Variants in LSAMP observed in about 807,000 individuals in gnomAD.
LSAMP encodes limbic system associated membrane protein, also known as limbic system-associated membrane protein.
Under a neutral mutation model 38.6 loss-of-function variants are expected in LSAMP, and 7 were observed. The observed-to-expected ratio is 0.18, with a 90% confidence interval of 0.10 to 0.34. The LOEUF is 0.34. Among genes scored for constraint, LSAMP ranks in the 10% least tolerant of loss-of-function variants. LSAMP has a pLI of 1.00. For synonymous variants in LSAMP, 154 were observed against 166.8 expected (o/e 0.92, Z 0.59); for missense variants, 313 against 420.0 (o/e 0.75, Z 2.23).
rs113873378 is a variant in LSAMP, at chr3:115,834,439, A to G, written c.919+7406T>C. 1.5e-4 allele frequency: 119 copies of G among 780,458 alleles called. No homozygotes were observed. The African/African-American group carries it at 1.9e-3, about 12-fold the overall frequency. The allele number at this position is 780,458 out of a possible 1,614,324, so 48.3% of individuals were successfully genotyped here. On this transcript the variant is annotated intron_variant, in intron 6 of 6. Coordinates refer to ENST00000490035, the MANE Select transcript of LSAMP (RefSeq NM_002338.5). Reference sequence around the variant, plus strand: ...GCTTTTTAAAAAAGGTTTAAGGGAAAAAAATGATTTATATTGTATGTGAAT... The same window carrying G: ...GCTTTTTAAAAAAGGTTTAAGGGAAGAAAATGATTTATATTGTATGTGAAT...
At chr3:116,041,045 T>C (rs1460288099) in intron 2 of LSAMP, among the ~76,000 whole-genome samples, 1 of 152,188 alleles carries the variant, frequency 6.6e-6, no homozygotes, top group Non-Finnish European at 1.5e-5. Flanking sequence ...CGCCTCAGCT[T>C]CCAGAGTAGC....
chr3:116,034,118 T>C (rs1424527871), intron 2 of LSAMP, among the ~76,000 whole-genome samples: 1 of 152,050 alleles, frequency 6.6e-6, no homozygotes, highest in East Asian at 1.9e-4. Context: ...AAGCAAGAAT[T>C]AGGACAAGAT....
chr3:116,235,766 T>G (rs888955604), intron 1 of LSAMP, among the ~76,000 whole-genome samples: 5 of 152,216 alleles, frequency 3.3e-5, no homozygotes, highest in Admixed American at 3.3e-4. Context: ...AAAATTAGCA[T>G]AGTTCTACAA....
chr3:116,099,178 A>G (rs1708290494), intron 1 of LSAMP, among the ~76,000 whole-genome samples: 1 of 152,222 alleles, frequency 6.6e-6, no homozygotes, highest in Non-Finnish European at 1.5e-5. Context: ...GATGAAGGTC[A>G]CACTCTGAAT....
At chr3:115,820,708 C>T (rs992758557) in intron 6 of LSAMP, among the ~76,000 whole-genome samples, 1 of 152,114 alleles carries the variant, frequency 6.6e-6, no homozygotes, top group Non-Finnish European at 1.5e-5. Flanking sequence ...AAGAATGGTC[C>T]AGTAGATATG....
chr3:116,242,873 A>G (rs939124686), intron 1 of LSAMP, among the ~76,000 whole-genome samples: 6 of 152,220 alleles, frequency 3.9e-5, no homozygotes, highest in African/African-American at 4.8e-5. Context: ...ATTTTCAAAT[A>G]TGGATTAAAA....
At chr3:116,263,537 C>CA (rs201229887) in intron 1 of LSAMP, among the ~76,000 whole-genome samples, 3,925 of 111,786 alleles carry the variant, frequency 0.035, 155 homozygotes, top group African/African-American at 0.12. Flanking sequence ...GACTTTGTCT[C>CA]AAAAAAAAAA....
intron 2 of LSAMP, among the ~76,000 whole-genome samples, chr3:116,063,324 T>C (rs1267048583): frequency 2.0e-5 from 3 of 152,190 alleles, no homozygotes; most frequent in Non-Finnish European, 4.4e-5. Flanking sequence ...CAGTTAAGCT[T>C]GTTGGTACAC....
chr3:115,916,349 T>A (rs1452646479), intron 3 of LSAMP, among the ~76,000 whole-genome samples: 1 of 152,194 alleles, frequency 6.6e-6, no homozygotes, highest in Non-Finnish European at 1.5e-5. Context: ...ATTCAACACA[T>A]ATGAAACGTA....
chr3:116,115,795 A>G (rs537865348), intron 1 of LSAMP, among the ~76,000 whole-genome samples: 18 of 151,574 alleles, frequency 1.2e-4, no homozygotes, highest in Admixed American at 3.3e-4. Context: ...GAGAAGTCCA[A>G]AATGATTTCT....
intron 3 of LSAMP, among the ~76,000 whole-genome samples, chr3:115,857,651 T>C (rs1371379712): frequency 6.6e-6 from 1 of 152,228 alleles, no homozygotes; most frequent in Non-Finnish European, 1.5e-5. Flanking sequence ...TAAATCTCCC[T>C]TTGCTTAATG....
rs74581052 is a variant in LSAMP, at chr3:116,227,623, T to A, written c.156-141067A>T. 1.9e-3 allele frequency among the ~76,000 whole-genome samples: 294 copies of A among 152,054 alleles called. 2 individuals are homozygous for A. Among genetic ancestry groups the A allele is most frequent in the Admixed American group, 0.01 (159 of 15,258 alleles). ...TTTCTTACCCTTCTCCATTTTTTTT[T>A]ATCTCTCCTCTTATTTTTCCTATTA... On this transcript the variant is annotated intron_variant, in intron 1 of 6. Coordinates refer to ENST00000490035, the MANE Select transcript of LSAMP (RefSeq NM_002338.5).
intron 3 of LSAMP, among the ~76,000 whole-genome samples, chr3:115,853,383 G>C (rs2107524177): frequency 6.6e-6 from 1 of 152,316 alleles, no homozygotes; most frequent in South Asian, 2.1e-4. Flanking sequence ...TGTGTCATCT[G>C]GGGTTTGGGG....
intron 2 of LSAMP, among the ~76,000 whole-genome samples, chr3:116,048,348 G>A (rs1941331566): frequency 6.6e-6 from 1 of 152,150 alleles, no homozygotes. Flanking sequence ...GTCTACCAAG[G>A]AAGGAATATT....
At chr3:116,393,203 A>G (rs1046818932) in intron 1 of LSAMP, among the ~76,000 whole-genome samples, 1 of 152,172 alleles carries the variant, frequency 6.6e-6, no homozygotes, top group African/African-American at 2.4e-5. Context: ...AAAGAGAAGG[A>G]GAGAAGAGCT....
intron 2 of LSAMP, among the ~76,000 whole-genome samples, chr3:116,045,109 G>T (rs1941262372): frequency 1.3e-5 from 2 of 152,128 alleles, no homozygotes; most frequent in African/African-American, 4.8e-5. Context: ...AAGCAGTAGG[G>T]TATTGAAGGA....
At chr3:116,164,760 ATTTTT>A (rs1553709491) in intron 1 of LSAMP, among the ~76,000 whole-genome samples, 9 of 91,642 alleles carry the variant, frequency 9.8e-5, no homozygotes, top group Non-Finnish European at 1.4e-4. Flanking sequence ...ATATATATAT[ATTTTT>A]TTTTTTTTTC....
intron 1 of LSAMP, among the ~76,000 whole-genome samples, chr3:116,164,886 C>T (rs1322909203): frequency 6.7e-6 from 1 of 150,178 alleles, no homozygotes; most frequent in Admixed American, 6.7e-5. Flanking sequence ...GAGGTATCAG[C>T]AAGAGGCTTC....
At chr3:116,432,960 C>A (rs554801745) in intron 1 of LSAMP, among the ~76,000 whole-genome samples, 3 of 152,152 alleles carry the variant, frequency 2.0e-5, no homozygotes, top group Non-Finnish European at 4.4e-5. Flanking sequence ...GAATGCTGAT[C>A]TTTAGATATG....
Sources: allele counts gnomAD v4.1 joint callset (sites outside exome capture counted in the v4.1 genomes callset), GRCh38; gene constraint gnomAD v4.1.1; transcripts MANE v1.5; gene names NCBI Gene and HGNC (gene_info 2026-07-23, HGNC 2026-07-21).